Variants in SKIC2 observed in about 807,000 individuals in gnomAD.
SKIC2 encodes superkiller complex protein 2.
the SKIC2 span, chr6:31,968,517 C>A: frequency 3.7e-6 from 6 of 1,612,520 alleles, no homozygotes; most frequent in African/African-American, 5.3e-5. This position sits in a 1 kb window ranked among gnomAD's most constrained non-coding sequence, Gnocchi z 6.1. Flanking sequence ...AGTGTGTACA[C>A]AGCCCCCGTT....
the SKIC2 span, chr6:31,963,658 C>T: frequency 6.4e-7 from 1 of 1,553,528 alleles, no homozygotes; most frequent in Non-Finnish European, 8.7e-7. This position sits in a 1 kb window ranked among gnomAD's most constrained non-coding sequence, Gnocchi z 5.3. Context: ...CTGTGGAGGC[C>T]AAGAAGGAGA....
At chr6:31,960,193 C>T in the SKIC2 span, 2 of 1,609,302 alleles carry the variant, frequency 1.2e-6, no homozygotes, top group Middle Eastern at 3.3e-4. Flanking sequence ...AGAAAGAAGA[C>T]CCAAAAGTTA....
the SKIC2 span, chr6:31,959,777 A>G: frequency 1.7e-6 from 1 of 572,354 alleles, no homozygotes; most frequent in Middle Eastern, 4.6e-4. Context: ...GTGCTTCATG[A>G]TTAGCCAGGG....
chr6:31,968,744 T>C, the SKIC2 span: 1 of 1,612,966 alleles, frequency 6.2e-7, no homozygotes, highest in Non-Finnish European at 8.5e-7. This position sits in a 1 kb window ranked among gnomAD's most constrained non-coding sequence, Gnocchi z 6.1. Context: ...CTGCGCTTCC[T>C]ACTGTCGGAT....
chr6:31,969,091 T>C, the SKIC2 span: 1 of 1,609,250 alleles, frequency 6.2e-7, no homozygotes, highest in Non-Finnish European at 8.5e-7. The surrounding 1 kb of genome is among the most constrained non-coding windows in gnomAD (Gnocchi z 6.1). Flanking sequence ...CTCAAGCAGG[T>C]AGGGGACACC....
At chr6:31,960,626 C>T in the SKIC2 span, 4 of 1,583,164 alleles carry the variant, frequency 2.5e-6, no homozygotes, top group Non-Finnish European at 2.6e-6. Flanking sequence ...CTCGTATTAC[C>T]CTCATCCCAT....
chr6:31,969,110 C>A, the SKIC2 span: 11 of 1,602,554 alleles, frequency 6.9e-6, no homozygotes, highest in African/African-American at 1.3e-4. This position sits in a 1 kb window ranked among gnomAD's most constrained non-coding sequence, Gnocchi z 6.1. Flanking sequence ...CCACCCCTTT[C>A]TCCCTGCCAG....
At chr6:31,961,238 T>A in the SKIC2 span, 1 of 1,613,216 alleles carries the variant, frequency 6.2e-7, no homozygotes, top group Non-Finnish European at 8.5e-7. Context: ...CTTAGCTGTA[T>A]GTTGGAGCCT....
At chr6:31,959,347 G>A in the SKIC2 span, 4 of 1,613,744 alleles carry the variant, frequency 2.5e-6, no homozygotes, top group African/African-American at 1.3e-5. Flanking sequence ...CGTGGAGCTC[G>A]GATGCACGGG....
chr6:31,969,181 G>GT, the SKIC2 span: 1 of 1,557,598 alleles, frequency 6.4e-7, no homozygotes, highest in Non-Finnish European at 8.8e-7. This position sits in a 1 kb window ranked among gnomAD's most constrained non-coding sequence, Gnocchi z 6.1. Context: ...CTCCAGCCCT[G>GT]TAAGTGCCCC....
At chr6:31,962,687 A>G in the SKIC2 span, 1 of 1,608,344 alleles carries the variant, frequency 6.2e-7, no homozygotes, top group South Asian at 1.1e-5. The surrounding 1 kb of genome is among the most constrained non-coding windows in gnomAD (Gnocchi z 5.0). Flanking sequence ...GCCACTGGGG[A>G]GTCAATCCTT....
chr6:31,961,538 C>T, the SKIC2 span: 1 of 1,590,290 alleles, frequency 6.3e-7, no homozygotes, highest in Non-Finnish European at 8.6e-7. Context: ...CTACCCCTGA[C>T]TCTTCCAGGA....
chr6:31,962,110 A>G, the SKIC2 span: 1 of 1,577,958 alleles, frequency 6.3e-7, no homozygotes, highest in Non-Finnish European at 8.7e-7. The surrounding 1 kb of genome is among the most constrained non-coding windows in gnomAD (Gnocchi z 5.0). Flanking sequence ...TTTCTCCTGC[A>G]TCCTTTGAAA....
At chr6:31,967,184 GAGA>G in the SKIC2 span, 1 of 1,607,470 alleles carries the variant, frequency 6.2e-7, no homozygotes, top group African/African-American at 1.3e-5. The surrounding 1 kb of genome is among the most constrained non-coding windows in gnomAD (Gnocchi z 4.9). Flanking sequence ...GAGAAGGGAA[GAGA>G]AGATCGTGTT....
At chr6:31,960,481 G>A in the SKIC2 span, 12 of 1,614,118 alleles carry the variant, frequency 7.4e-6, no homozygotes, top group Non-Finnish European at 7.6e-6. Context: ...TTGTCTCTTC[G>A]CCGGCCTCCA....
At chr6:31,966,616 C>A in the SKIC2 span, 1 of 1,355,186 alleles carries the variant, frequency 7.4e-7, no homozygotes, top group Admixed American at 1.8e-5. The surrounding 1 kb of genome is among the most constrained non-coding windows in gnomAD (Gnocchi z 5.9). Context: ...AGAGCTAGGA[C>A]CGGATCTGAC....
At chr6:31,962,151 A>C in the SKIC2 span, 39 of 1,288,976 alleles carry the variant, frequency 3.0e-5, no homozygotes, top group Non-Finnish European at 4.1e-5. This position sits in a 1 kb window ranked among gnomAD's most constrained non-coding sequence, Gnocchi z 5.0. Context: ...TCTCTAGCTC[A>C]TCCTTTAAGT....
At chr6:31,966,102 C>T in the SKIC2 span, 1 of 746,352 alleles carries the variant, frequency 1.3e-6, no homozygotes, top group Non-Finnish European at 2.0e-6. This position sits in a 1 kb window ranked among gnomAD's most constrained non-coding sequence, Gnocchi z 5.9. Context: ...TTTCTTCTTC[C>T]TTTTTTTTTT....
chr6:31,964,479 G>C, the SKIC2 span: 6 of 668,300 alleles, frequency 9.0e-6, no homozygotes, highest in Non-Finnish European at 1.6e-5. This position sits in a 1 kb window ranked among gnomAD's most constrained non-coding sequence, Gnocchi z 5.0. Context: ...GACTACCTGG[G>C]TTTGAATCCC....
Sources: allele counts gnomAD v4.1 joint callset, GRCh38; gene constraint gnomAD v4.1.1; non-coding constraint Gnocchi (gnomAD v3.1); transcripts MANE v1.5; gene names NCBI Gene and HGNC (gene_info 2026-07-23, HGNC 2026-07-21).